Variants in BRD10 observed in about 807,000 individuals in gnomAD.
BRD10 encodes the protein bromodomain containing 10.
chr9:5,984,908 A>G, the BRD10 span, among the ~76,000 whole-genome samples: 1 of 152,176 alleles, frequency 6.6e-6, no homozygotes, highest in South Asian at 2.1e-4. Flanking sequence ...GAAATTAACA[A>G]TATGATTTCA....
At chr9:5,976,918 A>G in the BRD10 span, among the ~76,000 whole-genome samples, 11 of 152,176 alleles carry the variant, frequency 7.2e-5, no homozygotes, top group African/African-American at 2.7e-4. Flanking sequence ...GAAGAAAATG[A>G]AAGGGAAAGT....
the BRD10 span, chr9:5,969,348 G>C: frequency 6.2e-7 from 1 of 1,612,618 alleles, no homozygotes; most frequent in Non-Finnish European, 8.5e-7. Flanking sequence ...ATACAAGTTG[G>C]AGCTGCTTGA....
At chr9:6,007,453 T>A in the BRD10 span, 1 of 1,608,112 alleles carries the variant, frequency 6.2e-7, no homozygotes. Context: ...CACCTCCTCC[T>A]CCGCGGTGGC....
chr9:5,916,554 C>CTATAAAACT, the BRD10 span, among the ~76,000 whole-genome samples: 1 of 105,698 alleles, frequency 9.5e-6, no homozygotes, highest in Non-Finnish European at 2.0e-5. Context: ...AAACTAATCA[C>CTATAAAACT]TATATATAAA....
chr9:5,923,632 A>C, the BRD10 span, among the ~76,000 whole-genome samples: 2 of 152,216 alleles, frequency 1.3e-5, no homozygotes, highest in African/African-American at 4.8e-5. Flanking sequence ...CCAAATAAAC[A>C]ATCAGGGCTC....
the BRD10 span, chr9:5,881,542 G>A: frequency 1.3e-5 from 1 of 77,874 alleles, no homozygotes; most frequent in East Asian, 2.6e-4. Context: ...CTGGGGCCTG[G>A]GTAACCCTCA....
chr9:5,980,911 A>G, the BRD10 span, among the ~76,000 whole-genome samples: 4 of 152,300 alleles, frequency 2.6e-5, no homozygotes, highest in African/African-American at 9.6e-5. Context: ...TCTTATGCCA[A>G]AGGTTTTAAT....
the BRD10 span, among the ~76,000 whole-genome samples, chr9:5,936,930 G>A: frequency 5.3e-5 from 8 of 152,102 alleles, no homozygotes; most frequent in Non-Finnish European, 1.2e-4. Context: ...TATGTGATAC[G>A]TGATTGAAAA....
chr9:6,008,445 A>G, the BRD10 span, among the ~76,000 whole-genome samples: 1 of 151,704 alleles, frequency 6.6e-6, no homozygotes, highest in Admixed American at 6.6e-5. Flanking sequence ...AGAGAAGCAA[A>G]GAAAGAGGCC....
chr9:5,887,947 T>C, the BRD10 span, among the ~76,000 whole-genome samples: 3 of 152,228 alleles, frequency 2.0e-5, no homozygotes, highest in Non-Finnish European at 4.4e-5. Flanking sequence ...TTTGTTTTCT[T>C]TCTCCCTTAC....
chr9:5,883,308 G>C, the BRD10 span, among the ~76,000 whole-genome samples: 1 of 152,008 alleles, frequency 6.6e-6, no homozygotes, highest in East Asian at 1.9e-4. Flanking sequence ...TATTTAGTTT[G>C]ATGCAAGATT....
chr9:5,981,024 T>C, the BRD10 span, among the ~76,000 whole-genome samples: 3 of 152,342 alleles, frequency 2.0e-5, no homozygotes, highest in East Asian at 5.8e-4. Flanking sequence ...TTATAAAATC[T>C]ATACTCTTAG....
chr9:5,951,774 A>C, the BRD10 span, among the ~76,000 whole-genome samples: 1 of 151,542 alleles, frequency 6.6e-6, no homozygotes, highest in Non-Finnish European at 1.5e-5. Context: ...ACTAGTGACT[A>C]GCACTATCTC....
At chr9:5,965,924 C>G in the BRD10 span, among the ~76,000 whole-genome samples, 4 of 152,136 alleles carry the variant, frequency 2.6e-5, no homozygotes, top group African/African-American at 9.7e-5. Context: ...AAATGTTTAG[C>G]TGTTATTATA....
At chr9:5,904,775 T>C in the BRD10 span, among the ~76,000 whole-genome samples, 8 of 146,846 alleles carry the variant, frequency 5.4e-5, no homozygotes, top group Admixed American at 5.4e-4. Flanking sequence ...CAGTTACACT[T>C]CTTTTTTTTT....
At chr9:5,968,121 G>A in the BRD10 span, 11 of 1,574,256 alleles carry the variant, frequency 7.0e-6, no homozygotes, top group Admixed American at 3.7e-5. Context: ...AGACCTTCAC[G>A]CTTTCTCTGT....
the BRD10 span, among the ~76,000 whole-genome samples, chr9:5,978,490 G>T: frequency 6.6e-6 from 1 of 151,352 alleles, no homozygotes; most frequent in South Asian, 2.1e-4. Flanking sequence ...TATTTTCTAA[G>T]ATGAATAACA....
chr9:5,936,716 C>A, the BRD10 span, among the ~76,000 whole-genome samples: 1 of 152,142 alleles, frequency 6.6e-6, no homozygotes, highest in African/African-American at 2.4e-5. Context: ...GAATTAAAGT[C>A]TTTCCAAAGA....
At chr9:5,960,755 G>C in the BRD10 span, among the ~76,000 whole-genome samples, 46 of 151,806 alleles carry the variant, frequency 3.0e-4, no homozygotes, top group South Asian at 9.0e-3. Flanking sequence ...ATTCATTTTC[G>C]CCAACTCTAC....
Sources: gnomAD v4.1 joint callset for allele counts (sites outside exome capture counted in the v4.1 genomes callset) on GRCh38, gnomAD v4.1.1 for gene constraint, MANE v1.5 for transcripts, NCBI Gene and HGNC (gene_info 2026-07-23, HGNC 2026-07-21) for gene names.